Variants in FAM98B observed in about 807,000 individuals in gnomAD.
The protein encoded by FAM98B is tRNA splicing ligase complex subunit 3B.
Under a neutral mutation model 43.9 loss-of-function variants are expected in FAM98B, and 32 were observed. The ratio of observed to expected loss-of-function variants is 0.73; its 90% confidence interval spans 0.55 to 0.98. The LOEUF (loss-of-function observed/expected upper bound fraction) is 0.98. FAM98B is among the 50% of genes least tolerant of loss of function. The pLI is 0.00. For synonymous variants in FAM98B, 190 were observed against 174.0 expected, an observed-to-expected ratio of 1.09 and a Z score of -0.72; for missense variants, 514 against 522.9, an observed-to-expected ratio of 0.98 and a Z score of 0.17.
At chr15:38,480,160 T>C (rs1056905668) in intron 6 of FAM98B, among the ~76,000 whole-genome samples, 2 of 152,208 alleles carry the variant, frequency 1.3e-5, no homozygotes, top group African/African-American at 4.8e-5. Flanking sequence ...ACAGAAATTT[T>C]AATTTTTATA....
Position 38,465,296 on chromosome 15 carries a change from TTGAGA to T in FAM98B, c.247_251del (p.Glu83LysfsTer20). 1 of 1,610,704 alleles carries T rather than the reference TTGAGA, an allele frequency of 6.2e-7. No homozygotes were observed. Among genetic ancestry groups the T allele is most frequent in the Non-Finnish European group, 8.5e-7 (1 of 1,178,996 alleles). On this transcript the variant is annotated frameshift_variant, in exon 3 of 8. Transcript: ENST00000397609. LOFTEE classifies it high-confidence loss of function. ...AGAGATGATCTAGAGAGCTTCCAGC[TTGAGA>T]TAAGTGGCTTTTTAAAAGAAATGGC...
chr15:38,470,691 G>A (rs906800739), intron 4 of FAM98B: 93 of 221,234 alleles, frequency 4.2e-4, no homozygotes, highest in Admixed American at 2.7e-3. Flanking sequence ...TCTTAACCAG[G>A]GTTTTAATGT....
At chr15:38,454,934 G>A (rs983403033) in intron 1 of FAM98B, among the ~76,000 whole-genome samples, 1 of 152,152 alleles carries the variant, frequency 6.6e-6, no homozygotes, top group Non-Finnish European at 1.5e-5. Context: ...GTGGAGGTGG[G>A]AGTAATGTTA....
chr15:38,463,996 T>C (rs949661602), intron 1 of FAM98B, 36 bp from the exon 2 acceptor site: 11 of 1,560,062 alleles, frequency 7.1e-6, no homozygotes, highest in Non-Finnish European at 7.8e-6. Context: ...TTTGATTGGC[T>C]TATTTAGTTT....
chr15:38,481,817 G>A (rs1890291753), intron 7 of FAM98B: 1 of 458,554 alleles, frequency 2.2e-6, no homozygotes, highest in African/African-American at 2.0e-5. Context: ...GTAAAGGGAA[G>A]AAGAGTTTGT....
intron 6 of FAM98B, among the ~76,000 whole-genome samples, chr15:38,478,341 A>T (rs1890235181): frequency 6.6e-6 from 1 of 152,126 alleles, no homozygotes; most frequent in African/African-American, 2.4e-5. Flanking sequence ...TTTTAAAAAT[A>T]TATTTTCCTT....
chr15:38,455,429 TTGCCCCTCTA>T (rs1436671511), intron 1 of FAM98B, among the ~76,000 whole-genome samples: 1 of 151,616 alleles, frequency 6.6e-6, no homozygotes, highest in Non-Finnish European at 1.5e-5. Context: ...AAAACTGCAT[TTGCCCCTCTA>T]TCAATTGTTT....
chr15:38,484,835 C>T lies in FAM98B; in HGVS notation c.*176C>T, dbSNP rs1262444914. 6.0e-6 allele frequency: 6 copies of T among 1,000,178 alleles called. No individual in the cohort carries two copies. The highest frequency in any genetic ancestry group is 8.0e-6 in the Non-Finnish European group (6 of 745,882). The allele number at this position is 1,000,178 out of a possible 1,614,324, so 62.0% of individuals were successfully genotyped here. On this transcript the variant is annotated 3_prime_UTR_variant, in exon 8 of 8. Coordinates refer to ENST00000397609, the MANE Select transcript of FAM98B (RefSeq NM_173611.4). ...ATTGTTTTTTATTACCAGTTGATCT[C>T]TCAAATGAAGTGATGACTTTTTCCA...
chr15:38,464,475 T>C (rs999912882), intron 2 of FAM98B, among the ~76,000 whole-genome samples: 1 of 152,124 alleles, frequency 6.6e-6, no homozygotes, highest in Non-Finnish European at 1.5e-5. Flanking sequence ...AGGGTCTGAA[T>C]TTGATTATTT....
At chr15:38,471,666 G>T (rs1278988255) in intron 4 of FAM98B, among the ~76,000 whole-genome samples, 1 of 152,054 alleles carries the variant, frequency 6.6e-6, no homozygotes, top group Non-Finnish European at 1.5e-5. Flanking sequence ...ACTCTATTCA[G>T]TTTTTAACCA....
At chr15:38,480,410 A>G (rs1239374605) in intron 6 of FAM98B, among the ~76,000 whole-genome samples, 1 of 152,018 alleles carries the variant, frequency 6.6e-6, no homozygotes, top group African/African-American at 2.4e-5. Flanking sequence ...TATTTCATCA[A>G]TCTATGTTTT....
rs567988803 is a variant in FAM98B, at chr15:38,478,094, A to G, written c.730-3198A>G. The stretch of plus-strand genomic sequence containing the variant: ...GTCTTAACGTACTTTGATATTTTCA[A>G]TGTTGGCATTAAGATTACAGAGAAA... On this transcript the variant is annotated intron_variant, in intron 6 of 7. Transcript: ENST00000397609. Among the ~76,000 whole-genome samples, 21 of 152,302 alleles carry G rather than the reference A, an allele frequency of 1.4e-4. No homozygotes were observed. The East Asian group carries it at 4.1e-3, about 29-fold the overall frequency.
At chr15:38,468,890 CA>C (rs1394462514) in intron 3 of FAM98B, among the ~76,000 whole-genome samples, 2 of 152,072 alleles carry the variant, frequency 1.3e-5, no homozygotes, top group Non-Finnish European at 2.9e-5. Flanking sequence ...TTTAACTAAA[CA>C]AATAAAAACA....
rs766226167 is a variant in FAM98B, at chr15:38,470,410, T to TA, written c.531+6dup. The TA allele has an allele frequency of 3.8e-6, 6 of 1,576,750 alleles. No individual in the cohort carries two copies. Among genetic ancestry groups the TA allele is most frequent in the Non-Finnish European group, 5.1e-6 (6 of 1,168,798 alleles). On this transcript the variant is annotated splice_donor_region_variant and intron_variant, in intron 4 of 7. Coordinates refer to ENST00000397609, the MANE Select transcript of FAM98B (RefSeq NM_173611.4). ...CTAAACCAAGTGGAATCAAAGGTATTATCTTTGTTTTATTTTCCCCAAAAT... is the reference window on the plus strand; with the variant it reads ...CTAAACCAAGTGGAATCAAAGGTATTAATCTTTGTTTTATTTTCCCCAAAAT...
Position 38,484,311 on chromosome 15 carries a change from A to G in FAM98B, c.954A>G (p.Pro318=), listed in dbSNP as rs1339569579. The part of the protein sequence containing the change: ...RGGRPNEIEP[P]PPEMPPWQKR... ...GCCGGCCGAATGAAATTGAACCACC[A>G]CCTCCAGAAATGCCCCCTTGGCAAA... Residue 318 remains proline (P), a synonymous_variant, in exon 8 of 8, where the codon CCA becomes CCG. Transcript: ENST00000397609. 3.9e-6 allele frequency: 6 copies of G among 1,545,578 alleles called. No individual in the cohort carries two copies. The highest frequency in any genetic ancestry group is 1.7e-4 in the Middle Eastern group (1 of 5,726).
At chr15:38,461,753 G>A (rs1889950022) in intron 1 of FAM98B, among the ~76,000 whole-genome samples, 1 of 152,086 alleles carries the variant, frequency 6.6e-6, no homozygotes, top group Non-Finnish European at 1.5e-5. Context: ...TTGCTTGTAA[G>A]AGAAATGTAG....
At chr15:38,471,933 A>G (rs1167993091) in intron 4 of FAM98B, among the ~76,000 whole-genome samples, 1 of 152,160 alleles carries the variant, frequency 6.6e-6, no homozygotes, top group Admixed American at 6.5e-5. Context: ...TTTACATGTA[A>G]TAACTCAGTT....
intron 6 of FAM98B, among the ~76,000 whole-genome samples, chr15:38,480,344 T>G (rs1890264406): frequency 1.3e-5 from 2 of 152,172 alleles, no homozygotes; most frequent in South Asian, 2.1e-4. Context: ...ATCTGTGATG[T>G]CTCCTTTATC....
chr15:38,484,675 G>A lies in FAM98B; in HGVS notation c.*16G>A, dbSNP rs1890343739. 8 of 1,509,334 alleles carry A rather than the reference G, an allele frequency of 5.3e-6. No individual in the cohort carries two copies. Among genetic ancestry groups the A allele is most frequent in the Middle Eastern group, 2.4e-4 (1 of 4,248 alleles). The allele number at this position is 1,509,334 out of a possible 1,614,324, so 93.5% of individuals were successfully genotyped here. On this transcript the variant is annotated 3_prime_UTR_variant, in exon 8 of 8. Transcript: ENST00000397609. ...AAGATACTAAAAACTATAAAAATTA[G>A]ATAGCAGTGCTTGCTTCTTTATAGA... is the stretch of plus-strand genomic sequence containing the variant.
Sources: gnomAD v4.1 joint callset for allele counts (sites outside exome capture counted in the v4.1 genomes callset) on GRCh38, gnomAD v4.1.1 for gene constraint, MANE v1.5 for transcripts, NCBI Gene and HGNC (gene_info 2026-07-23, HGNC 2026-07-21) for gene names.